SVEP1: variants seen among roughly 807,000 people sequenced by gnomAD.
The protein encoded by SVEP1 is sushi, von Willebrand factor type A, EGF and pentraxin domain containing 1.
In SVEP1, 164 loss-of-function variants were observed where a neutral mutation model predicts 367.3. The ratio of observed to expected loss-of-function variants is 0.45; its 90% CI spans 0.39 to 0.51. The LOEUF (loss-of-function observed/expected upper bound fraction) is 0.51, where lower values mean the gene tolerates loss of function less well. Ranked by LOEUF, SVEP1 falls within the 20% of genes least tolerant of loss-of-function variation. SVEP1 has a pLI of 0.00. For missense variants in SVEP1, 4,117 were observed against 4,425.3 expected (o/e 0.93, Z 1.98); for synonymous variants, 1,666 against 1,611.6 (o/e 1.03, Z -0.81).
At chr9:110,515,596 G>A (rs545957793) in intron 3 of SVEP1, among the ~76,000 whole-genome samples, 18 of 152,134 alleles carry the variant, frequency 1.2e-4, no homozygotes, top group Non-Finnish European at 1.6e-4. Context: ...CACCGCGCCC[G>A]GCCTATGTGG....
At chr9:110,389,145 CAACAGCACGTT>C (rs1332182898) in intron 41 of SVEP1, among the ~76,000 whole-genome samples, 2 of 151,848 alleles carry the variant, frequency 1.3e-5, no homozygotes, top group Non-Finnish European at 2.9e-5. Context: ...ACAGATGGAC[CAACAGCACGTT>C]AAAAGTATTG....
chr9:110,396,024 G>A (rs145883174), intron 40 of SVEP1, among the ~76,000 whole-genome samples: 1 of 151,706 alleles, frequency 6.6e-6, no homozygotes, highest in East Asian at 1.9e-4. Context: ...CTACAGAACT[G>A]TCCACCCCAA....
intron 22 of SVEP1, among the ~76,000 whole-genome samples, chr9:110,452,070 T>A (rs1432193607): frequency 2.6e-5 from 4 of 152,228 alleles, no homozygotes; most frequent in African/African-American, 9.6e-5. Context: ...TGCTTAAATT[T>A]ATAACTCATG....
chr9:110,471,343 G>C, intron 16 of SVEP1, 21 bp downstream of exon 16: 2 of 1,600,190 alleles, frequency 1.2e-6, no homozygotes, highest in Non-Finnish European at 1.7e-6. Flanking sequence ...AAATATTTTT[G>C]ATCACAGGGA....
At chr9:110,441,473 T>C (rs1156848425) in intron 27 of SVEP1, among the ~76,000 whole-genome samples, 1 of 152,234 alleles carries the variant, frequency 6.6e-6, no homozygotes, top group Non-Finnish European at 1.5e-5. Context: ...TGTCCTTGAC[T>C]CTACAGCTCT....
rs150928488 is a variant in SVEP1 at position 110,429,792 on chromosome 9, G to C, written c.5615+128C>G. 111 of 698,010 alleles carry C rather than the reference G, an allele frequency of 1.6e-4. No homozygotes were observed. The African/African-American group carries it at 1.8e-3, about 11-fold the overall frequency. 43.2% of individuals were successfully genotyped at this position (698,010 alleles called of 1,614,324 possible). ...GATTTGTTCACACTATGTATCATTC[G>C]ATTAATTACATATTAATTCAAAAAT... On this transcript the variant is annotated intron_variant, in intron 34 of 47. Transcript: ENST00000374469.
intron 45 of SVEP1, 60 bp downstream of exon 45, chr9:110,377,211 C>G (rs184595821): frequency 1.3e-6 from 2 of 1,514,028 alleles, no homozygotes; most frequent in African/African-American, 1.4e-5. Flanking sequence ...TAACTCCCCT[C>G]AGGTGGGAGC....
At chr9:110,555,031 C>T (rs1322548383) in intron 1 of SVEP1, among the ~76,000 whole-genome samples, 1 of 152,132 alleles carries the variant, frequency 6.6e-6, no homozygotes, top group Admixed American at 6.6e-5. Context: ...ACCATCCTTG[C>T]TCTTTACCAA....
At chr9:110,425,469 T>C (rs1047682942) in intron 36 of SVEP1, among the ~76,000 whole-genome samples, 1 of 152,204 alleles carries the variant, frequency 6.6e-6, no homozygotes, top group Non-Finnish European at 1.5e-5. Flanking sequence ...TGATCTTGCA[T>C]AGAACAAATG....
chr9:110,450,121 A>G lies in SVEP1; in HGVS notation c.4041T>C (p.Asp1347=). The G allele has an allele frequency of 1.2e-6, 2 of 1,613,964 alleles. No individual in the cohort carries two copies. ...TTTTGCATGGCTGACTGAGACACTC[A>G]TCGACGTTCTTTCCACATCGGGTAC... The part of the protein sequence containing the change: ...FLGTRCGKNV[D]ECLSQPCKNG... The change falls in exon 24 of 48, where the codon GAT becomes GAC. Residue 1347 remains aspartate, a synonymous_variant. Transcript: ENST00000374469.
In SVEP1 at chr9:110,436,383, C is replaced by T. The variant is rs1215552188; in HGVS notation, c.4761G>A (p.Gln1587=). 6 of 1,613,910 alleles carry T rather than the reference C, an allele frequency of 3.7e-6. No individual in the cohort carries two copies. Among genetic ancestry groups the T allele is most frequent in the Non-Finnish European group, 5.1e-6 (6 of 1,179,850 alleles). The change falls in exon 28 of 48, where the codon CAG becomes CAA. Residue 1587 remains glutamine, a synonymous_variant. Coordinates refer to ENST00000374469, the MANE Select transcript of SVEP1 (RefSeq NM_153366.4). The stretch of plus-strand genomic sequence containing the variant: ...ATACACTGAAAATGGAATTGACCTG[C>T]TGTGGAGACAGGACATAGTCCCAGA... ...LNLWDYVLSP[Q]QVKSLATSCP...
At chr9:110,393,714 C>T (rs539479862) in intron 40 of SVEP1, among the ~76,000 whole-genome samples, 47 of 152,342 alleles carry the variant, frequency 3.1e-4, no homozygotes, top group Middle Eastern at 3.4e-3. Context: ...GATTATATCC[C>T]GCACCTGGCT....
At chr9:110,473,262 A>G (rs756644680) in intron 14 of SVEP1, among the ~76,000 whole-genome samples, 1 of 152,188 alleles carries the variant, frequency 6.6e-6, no homozygotes, top group Non-Finnish European at 1.5e-5. Flanking sequence ...CTTTTTACTT[A>G]AACATTTTCT....
intron 3 of SVEP1, among the ~76,000 whole-genome samples, chr9:110,524,779 A>G (rs1829921354): frequency 6.6e-6 from 1 of 151,424 alleles, no homozygotes; most frequent in African/African-American, 2.4e-5. Flanking sequence ...TGGCACAATC[A>G]CAGCTCACTG....
chr9:110,549,731 T>C lies in SVEP1; in HGVS notation c.787+118A>G, dbSNP rs938959187. 5.3e-6 allele frequency: 7 copies of C among 1,315,544 alleles called. No homozygotes were observed. The African/African-American group carries it at 1.0e-4, about 19-fold the overall frequency. 81.5% of individuals were successfully genotyped at this position (1,315,544 alleles called of 1,614,324 possible). A position where few individuals can be genotyped will look rare whatever the true frequency, so the allele number is the denominator to read the frequency against. ...ATGATGCCCAAAGGACACATGGGCA[T>C]CATATTCAGCAAAGACCTTGTGAGA... is the stretch of plus-strand genomic sequence containing the variant. On this transcript the variant is annotated intron_variant, in intron 2 of 47. Coordinates refer to ENST00000374469, the MANE Select transcript of SVEP1 (RefSeq NM_153366.4).
At chr9:110,369,031 C>T (rs1226140735) in intron 47 of SVEP1, among the ~76,000 whole-genome samples, 4 of 152,024 alleles carry the variant, frequency 2.6e-5, no homozygotes, top group East Asian at 3.8e-4. Context: ...TATGGAAATA[C>T]CCATTTGTTT....
chr9:110,477,798 C>T (rs1294900845), intron 13 of SVEP1, among the ~76,000 whole-genome samples: 1 of 152,156 alleles, frequency 6.6e-6, no homozygotes, highest in East Asian at 1.9e-4. Context: ...CTCACCACCT[C>T]CAGTGCCACC....
intron 36 of SVEP1, among the ~76,000 whole-genome samples, chr9:110,412,121 A>G (rs1828053901): frequency 6.6e-6 from 1 of 152,250 alleles, no homozygotes; most frequent in African/African-American, 2.4e-5. Context: ...AATAATTGCT[A>G]TACATTTAAA....
At chr9:110,505,161 C>G (rs530876985) in intron 5 of SVEP1, among the ~76,000 whole-genome samples, 1 of 152,292 alleles carries the variant, frequency 6.6e-6, no homozygotes, top group South Asian at 2.1e-4. Context: ...AACATTACAT[C>G]AGAGAAGCTA....
Sources: allele counts gnomAD v4.1 joint callset (sites outside exome capture counted in the v4.1 genomes callset), GRCh38; gene constraint gnomAD v4.1.1; transcripts MANE v1.5; gene names NCBI Gene and HGNC (gene_info 2026-07-23, HGNC 2026-07-21).